Variants in SMURF1 observed in about 807,000 individuals in gnomAD.
SMURF1 encodes SMAD specific E3 ubiquitin protein ligase 1.
A neutral mutation model predicts 98.0 loss-of-function variants in SMURF1; 44 were observed. The observed-to-expected ratio is 0.45, with a 90% CI of 0.35 to 0.58. The LOEUF (loss-of-function observed/expected upper bound fraction) is 0.58. Ranked by LOEUF, SMURF1 falls within the 20% of genes least tolerant of loss-of-function variation. The probability of loss-of-function intolerance (pLI) is 0.00; values close to 1 mark genes in which losing one functional copy is unlikely to be tolerated. For synonymous variants in SMURF1, 396 were observed against 374.9 expected (o/e 1.06, Z -0.65); for missense variants, 687 against 938.4 (o/e 0.73, Z 3.50).
intron 16 of SMURF1, 197 bp downstream of exon 16, chr7:99,035,318 C>T (rs755505132): frequency 2.5e-5 from 17 of 672,394 alleles, no homozygotes; most frequent in African/African-American, 1.6e-4. Context: ...CTTTGCTCAG[C>T]GGGGCCCCAC....
intron 10 of SMURF1, among the ~76,000 whole-genome samples, chr7:99,046,368 A>AT (rs1268357392): frequency 8.5e-5 from 13 of 152,226 alleles, no homozygotes; most frequent in African/African-American, 3.1e-4. Flanking sequence ...CTACGTGTTT[A>AT]TAGATGTAGA....
chr7:99,045,921 GCTC>G (rs1795557924), intron 10 of SMURF1, 120 bp from the exon 11 acceptor site: 1 of 706,034 alleles, frequency 1.4e-6, no homozygotes, highest in Non-Finnish European at 2.5e-6. Flanking sequence ...GTTTTATCTG[GCTC>G]CTCATCAGAA....
intron 17 of SMURF1, chr7:99,032,799 C>A (rs1442606885): frequency 3.6e-6 from 2 of 563,280 alleles, no homozygotes; most frequent in Non-Finnish European, 3.2e-6. Context: ...GCCAGTAAAG[C>A]CGCTCTATAC....
intron 15 of SMURF1, 152 bp from the exon 16 acceptor site, chr7:99,035,868 T>TACAA: frequency 1.3e-6 from 1 of 748,078 alleles, no homozygotes; most frequent in African/African-American, 1.8e-5. Context: ...GGAAGAAAGC[T>TACAA]ACAAACAGGA....
At chr7:99,137,052 C>T (rs1798008592) in intron 1 of SMURF1, among the ~76,000 whole-genome samples, 2 of 152,144 alleles carry the variant, frequency 1.3e-5, no homozygotes, top group South Asian at 4.1e-4. Context: ...TGGCTTCTAA[C>T]ACTATTTCTC....
intron 1 of SMURF1, among the ~76,000 whole-genome samples, chr7:99,122,201 G>A (rs2150624951): frequency 6.6e-6 from 1 of 152,010 alleles, no homozygotes; most frequent in South Asian, 2.1e-4. Context: ...GGTGGCGCAT[G>A]CCTGTGATCC....
At chr7:99,102,790 C>A (rs983753837) in intron 1 of SMURF1, among the ~76,000 whole-genome samples, 2 of 152,010 alleles carry the variant, frequency 1.3e-5, no homozygotes, top group African/African-American at 4.8e-5. Context: ...TGGTGGTGCA[C>A]GTAATTGTAA....
intron 11 of SMURF1, among the ~76,000 whole-genome samples, chr7:99,045,075 G>A (rs1795528103): frequency 6.6e-6 from 1 of 151,966 alleles, no homozygotes; most frequent in Non-Finnish European, 1.5e-5. Flanking sequence ...GGAGGTTGAG[G>A]CTGCAGTGAG....
At chr7:99,083,705 A>C (rs1347401330) in intron 1 of SMURF1, among the ~76,000 whole-genome samples, 1 of 152,236 alleles carries the variant, frequency 6.6e-6, no homozygotes, top group East Asian at 1.9e-4. Context: ...GACTGCCTAC[A>C]AACTGCATTC....
intron 1 of SMURF1, among the ~76,000 whole-genome samples, chr7:99,101,022 G>A (rs907422202): frequency 6.6e-6 from 1 of 152,156 alleles, no homozygotes; most frequent in African/African-American, 2.4e-5. Flanking sequence ...AAATGCATTC[G>A]ATAAGTTTTC....
chr7:99,045,844 T>C (rs748770254), intron 10 of SMURF1, 43 bp from the exon 11 acceptor site: 3 of 1,483,000 alleles, frequency 2.0e-6, no homozygotes, highest in East Asian at 4.5e-5. Flanking sequence ...AACATTCTTA[T>C]TCTTAAAGTT....
chr7:99,098,626 A>T lies in SMURF1; in HGVS notation c.56-36789T>A, dbSNP rs1221410226. ...CTTCATTGACAAAGAACAGCAGCAT[A>T]CAAAATAGCACCACAGTGCACTGAG... On this transcript the variant is annotated intron_variant, in intron 1 of 17. Coordinates refer to ENST00000361368, the MANE Select transcript of SMURF1 (RefSeq NM_181349.3). Among the ~76,000 whole-genome samples, 13 of 152,144 alleles carry T rather than the reference A, an allele frequency of 8.5e-5. No individual in the cohort carries two copies. The East Asian group carries it at 2.5e-3, about 29-fold the overall frequency.
In SMURF1 at chr7:99,067,187, G is replaced by A. The variant is rs963197846; in HGVS notation, c.56-5350C>T. On this transcript the variant is annotated intron_variant, in intron 1 of 17. Coordinates refer to ENST00000361368, the MANE Select transcript of SMURF1 (RefSeq NM_181349.3). ...TAATTTTTTTATTTTTAGTAGAGAC[G>A]GGGTTTCACCATATTGGTCAGGCTG... Among the ~76,000 whole-genome samples, 4 of 151,544 alleles carry A rather than the reference G, an allele frequency of 2.6e-5. No homozygotes were observed. The East Asian group carries it at 5.9e-4, about 22-fold the overall frequency.
intron 3 of SMURF1, among the ~76,000 whole-genome samples, chr7:99,058,285 A>G (rs980739406): frequency 6.6e-6 from 1 of 151,850 alleles, no homozygotes; most frequent in African/African-American, 2.4e-5. Context: ...ACCTGCCACC[A>G]CACCTGGCTA....
intron 1 of SMURF1, among the ~76,000 whole-genome samples, chr7:99,087,105 CA>C (rs1489752987): frequency 1.3e-5 from 2 of 152,090 alleles, no homozygotes; most frequent in African/African-American, 4.8e-5. Context: ...TGCAGTGGCT[CA>C]TGCCTATAAT....
At chr7:99,083,642 C>A (rs1796615627) in intron 1 of SMURF1, among the ~76,000 whole-genome samples, 1 of 152,184 alleles carries the variant, frequency 6.6e-6, no homozygotes, top group Non-Finnish European at 1.5e-5. Flanking sequence ...TGATTCAAAT[C>A]CAATTTATTC....
rs1795177512 is a variant in SMURF1 at position 99,037,153 on chromosome 7, C to T, written c.1723G>A (p.Glu575Lys). ...TTCTGCAGAGCTAAGAACTGGGCTT[C>T]GATTCCTCTCATAAACCTCCAGTTT... The part of the protein sequence containing the change: ...YVNWRFMRGI[E>K]AQFLALQKGF... Residue 575 changes from glutamate to lysine, a missense_variant, in exon 15 of 18, where the codon GAA becomes AAA. Glu to Lys is a moderately conservative substitution (Grantham distance 56, BLOSUM62 1). Around this residue, in one of 2 missense-constraint regions of SMURF1, gnomAD observed 272 missense variants for 430.0 expected, o/e 0.63. Transcript: ENST00000361368. 4 of 1,614,098 alleles carry T rather than the reference C, an allele frequency of 2.5e-6. No individual in the cohort carries two copies. The highest frequency in any genetic ancestry group is 2.2e-5 in the East Asian group (1 of 44,874).
At chr7:99,051,655 C>A (rs1795755233) in intron 7 of SMURF1, among the ~76,000 whole-genome samples, 1 of 152,170 alleles carries the variant, frequency 6.6e-6, no homozygotes, top group Admixed American at 6.5e-5. Flanking sequence ...CTCATCTAGC[C>A]TACATGTTAC....
At chr7:99,130,517 A>G (rs1431255996) in intron 1 of SMURF1, among the ~76,000 whole-genome samples, 1 of 152,218 alleles carries the variant, frequency 6.6e-6, no homozygotes, top group Non-Finnish European at 1.5e-5. Context: ...TCTGCAATAC[A>G]AATTGACAAC....
Sources: allele counts gnomAD v4.1 joint callset (sites outside exome capture counted in the v4.1 genomes callset), GRCh38; gene constraint gnomAD v4.1.1; regional missense constraint gnomAD v4.1.1; transcripts MANE v1.5; gene names NCBI Gene and HGNC (gene_info 2026-07-23, HGNC 2026-07-21).